The following USP20 variants were observed in gnomAD, a reference collection of about 807,000 sequenced individuals.
USP20 encodes ubiquitin specific peptidase 20, also known as ubiquitin carboxyl-terminal hydrolase 20.
A neutral mutation model predicts 124.2 loss-of-function variants in USP20; 80 were observed. That is an observed-to-expected ratio of 0.64 (90% CI 0.54 to 0.78). The LOEUF is 0.78. USP20 is among the 30% of genes least tolerant of loss of function. USP20 has a pLI of 0.00. For synonymous variants in USP20, 481 were observed against 512.3 expected (o/e 0.94, Z 0.83); for missense variants, 1,043 against 1,244.4 (o/e 0.84, Z 2.44).
At chr9:129,860,821 A>G in intron 6 of USP20, 116 bp from the exon 7 acceptor site, 1 of 1,024,562 alleles carries the variant, frequency 9.8e-7, no homozygotes, top group South Asian at 1.3e-5. Flanking sequence ...GGACTGGCTC[A>G]GCCCAGTAGG....
chr9:129,876,327 C>T (rs2034408285), intron 22 of USP20, 89 bp downstream of exon 22: 1 of 1,132,860 alleles, frequency 8.8e-7, no homozygotes, highest in South Asian at 1.4e-5. Context: ...CCTGTGCAGT[C>T]CCTGAGCAAG....
intron 15 of USP20, among the ~76,000 whole-genome samples, chr9:129,872,199 C>G (rs1160511010): frequency 6.6e-6 from 1 of 151,980 alleles, no homozygotes; most frequent in Non-Finnish European, 1.5e-5. Context: ...GTCACCCAGG[C>G]TGGAGTGCAA....
At chr9:129,860,476 G>T (rs994458288) in intron 6 of USP20, among the ~76,000 whole-genome samples, 5 of 151,966 alleles carry the variant, frequency 3.3e-5, no homozygotes, top group Non-Finnish European at 7.4e-5. Flanking sequence ...ATAAAAAAAT[G>T]CAAGTCAACA....
At chr9:129,871,820 G>A (rs903433503) in intron 15 of USP20, among the ~76,000 whole-genome samples, 3 of 151,558 alleles carry the variant, frequency 2.0e-5, no homozygotes, top group South Asian at 4.2e-4. Flanking sequence ...GGGTTTAAGC[G>A]ATTCTCCTGC....
At chr9:129,836,771 C>T (rs1320289288) in intron 1 of USP20, among the ~76,000 whole-genome samples, 1 of 152,126 alleles carries the variant, frequency 6.6e-6, no homozygotes, top group Non-Finnish European at 1.5e-5. Context: ...CAAAGTCTTG[C>T]CCTCTGCAGA....
chr9:129,856,404 C>G, intron 4 of USP20, 44 bp downstream of exon 4: 1 of 1,601,138 alleles, frequency 6.2e-7, no homozygotes, highest in African/African-American at 1.3e-5. Flanking sequence ...GCTGCTTCCA[C>G]CTGTTATCAG....
At chr9:129,856,478 T>A in intron 4 of USP20, 118 bp downstream of exon 4, 1 of 1,232,574 alleles carries the variant, frequency 8.1e-7, no homozygotes. Context: ...TAGTGGGCAC[T>A]GCCAGAAACC....
Position 129,875,579 on chromosome 9 carries a change from C to G in USP20, c.2238C>G (p.Tyr746Ter). 1 of 1,614,100 alleles carries G rather than the reference C, an allele frequency of 6.2e-7. No individual in the cohort carries two copies. Among genetic ancestry groups the G allele is most frequent in the South Asian group, 1.1e-5 (1 of 91,086 alleles). The change falls in exon 21 of 26, where the codon TAC becomes TAG. Residue 746 changes from tyrosine (Y) to a stop codon, truncating the protein, a stop_gained. Transcript: ENST00000372429. LOFTEE classifies it high-confidence loss of function. ...CSHGGIPPHK[Y>*]HYIDDLVVIL... ...TCCCAGGCATCCCGCCCCACAAATA[C>G]CACTACATCGACGACCTGGTGGTCA...
chr9:129,843,278 A>C (rs1372658744), intron 1 of USP20, among the ~76,000 whole-genome samples: 1 of 152,016 alleles, frequency 6.6e-6, no homozygotes, highest in African/African-American at 2.4e-5. Context: ...AAAAATACAA[A>C]AATTATGTGG....
chr9:129,851,584 A>G lies in USP20; in HGVS notation c.-16-956A>G, dbSNP rs76451460. On this transcript the variant is annotated intron_variant, in intron 2 of 25. Transcript: ENST00000372429. ...TCCATGTAACCACCCCACACTCAAG[A>G]TACAGAGCTGTTCATCTTCACCAAG... Among the ~76,000 whole-genome samples the G allele has an allele frequency of 1.6e-3, 242 of 152,324 alleles. 2 individuals carry two copies. In the East Asian group the frequency reaches 0.03, roughly 19 times the overall value.
At chr9:129,860,557 C>G (rs1166609856) in intron 6 of USP20, among the ~76,000 whole-genome samples, 1 of 152,036 alleles carries the variant, frequency 6.6e-6, no homozygotes, top group Non-Finnish European at 1.5e-5. Flanking sequence ...TTGAGACCAG[C>G]CTGGGCAATA....
At chr9:129,874,329 T>C (rs868006527) in intron 17 of USP20, among the ~76,000 whole-genome samples, 18 of 152,094 alleles carry the variant, frequency 1.2e-4, no homozygotes, top group African/African-American at 4.1e-4. Context: ...TTCTCAAAGG[T>C]AGTGCCGACA....
At chr9:129,867,601 C>A (rs1426876726) in intron 10 of USP20, among the ~76,000 whole-genome samples, 5 of 152,130 alleles carry the variant, frequency 3.3e-5, no homozygotes, top group Non-Finnish European at 5.9e-5. Flanking sequence ...CCGCCACCCC[C>A]CTGCCCACCT....
intron 10 of USP20, among the ~76,000 whole-genome samples, chr9:129,866,629 C>T (rs1375327931): frequency 6.6e-6 from 1 of 152,216 alleles, no homozygotes; most frequent in African/African-American, 2.4e-5. Flanking sequence ...TGCGGCAGGA[C>T]TCCATCTGGG....
chr9:129,875,525 G>A (rs572731253), intron 20 of USP20, 35 bp from the exon 21 acceptor site: 11 of 1,613,288 alleles, frequency 6.8e-6, no homozygotes, highest in Admixed American at 5.0e-5. Flanking sequence ...CAGCTGGGCC[G>A]AGCCACAGCT....
chr9:129,835,558 C>G (rs2031747773), intron 1 of USP20, 59 bp downstream of exon 1: 1 of 201,204 alleles, frequency 5.0e-6, no homozygotes, highest in Non-Finnish European at 1.0e-5. Flanking sequence ...CATTGGCGAC[C>G]CCAGCCCGGC....
At chr9:129,858,288 A>G (rs1229676938) in intron 5 of USP20, among the ~76,000 whole-genome samples, 176 bp downstream of exon 5, 4 of 46,190 alleles carry the variant, frequency 8.7e-5, no homozygotes, top group African/African-American at 2.2e-4. Flanking sequence ...CATCTGCACC[A>G]TTTGATAAGC....
At chr9:129,847,797 G>A (rs2032667945) in intron 1 of USP20, among the ~76,000 whole-genome samples, 1 of 151,700 alleles carries the variant, frequency 6.6e-6, no homozygotes, top group Non-Finnish European at 1.5e-5. Context: ...TCTCCCCTTT[G>A]CCCCAGGCAA....
chr9:129,835,781 GC>G (rs1355063689), intron 1 of USP20: 1 of 152,436 alleles, frequency 6.6e-6, no homozygotes, highest in Non-Finnish European at 1.5e-5. Flanking sequence ...TTCTGCCGGG[GC>G]CTGACCTAGC....
Sources: allele counts gnomAD v4.1 joint callset (sites outside exome capture counted in the v4.1 genomes callset), GRCh38; gene constraint gnomAD v4.1.1; transcripts MANE v1.5; gene names NCBI Gene and HGNC (gene_info 2026-07-23, HGNC 2026-07-21).